The following NRXN1 variants were observed in gnomAD, a reference collection of about 807,000 sequenced individuals.
NRXN1 encodes neurexin-1.
NRXN1 carries 39 observed loss-of-function variants against 150.9 expected under a neutral mutation model. The ratio of observed to expected loss-of-function variants is 0.26; its 90% CI spans 0.20 to 0.34. NRXN1 has a LOEUF of 0.34. NRXN1 is among the 10% of genes least tolerant of loss of function. NRXN1 has a pLI of 1.00. For missense variants in NRXN1, 1,815 were observed against 1,949.9 expected (o/e 0.93, Z 1.30); for synonymous variants, 924 against 757.0 (o/e 1.22, Z -3.62).
intron 2 of NRXN1, among the ~76,000 whole-genome samples, chr2:50,944,827 T>C (rs1285490627): frequency 6.6e-6 from 1 of 152,208 alleles, no homozygotes; most frequent in East Asian, 1.9e-4. Context: ...GCTTGAAGGA[T>C]GCAGACTCAA....
chr2:50,962,597 G>C (rs1282192550), intron 2 of NRXN1, among the ~76,000 whole-genome samples: 1 of 151,560 alleles, frequency 6.6e-6, no homozygotes, highest in Non-Finnish European at 1.5e-5. Context: ...CAGTCTACAA[G>C]CTTATGGGAT....
chr2:50,608,315 A>C (rs1677467183), intron 8 of NRXN1, among the ~76,000 whole-genome samples: 1 of 152,142 alleles, frequency 6.6e-6, no homozygotes, highest in South Asian at 2.1e-4. Context: ...AAACTTTAAT[A>C]TGTATATTAA....
At chr2:50,168,065 G>C (rs2059794459) in intron 18 of NRXN1, among the ~76,000 whole-genome samples, 1 of 151,752 alleles carries the variant, frequency 6.6e-6, no homozygotes, top group Admixed American at 6.6e-5. Flanking sequence ...TTGCAATGCA[G>C]CAATATCTTG....
At chr2:50,949,810 T>C (rs965456805) in intron 2 of NRXN1, among the ~76,000 whole-genome samples, 6 of 152,136 alleles carry the variant, frequency 3.9e-5, no homozygotes, top group African/African-American at 1.4e-4. Flanking sequence ...ACCTTTGTAT[T>C]TCATGGGTTA....
At chr2:50,824,301 A>AGTGTGTGT (rs10651842) in intron 5 of NRXN1, among the ~76,000 whole-genome samples, 111 of 149,196 alleles carry the variant, frequency 7.4e-4, no homozygotes, top group African/African-American at 2.5e-3. Flanking sequence ...AAACCCTTTG[A>AGTGTGTGT]GTGTGTGTGT....
intron 5 of NRXN1, among the ~76,000 whole-genome samples, chr2:50,689,006 C>T (rs897907866): frequency 3.3e-5 from 5 of 152,130 alleles, no homozygotes; most frequent in Non-Finnish European, 5.9e-5. Flanking sequence ...ATACATACCC[C>T]TTTACTACTA....
At chr2:50,429,320 G>A (rs1409811864) in intron 17 of NRXN1, among the ~76,000 whole-genome samples, 4 of 151,914 alleles carry the variant, frequency 2.6e-5, no homozygotes, top group African/African-American at 7.3e-5. Context: ...GCAGTGGTGC[G>A]ATCTTGGCTC....
Position 51,004,817 on chromosome 2 carries a change from A to G in NRXN1, c.772+22685T>C, listed in dbSNP as rs191534032. ...ATCTAGAGGAGAATTTTCTTGTGCC[A>G]AGGTTACTGCTAAGTTTGAAATAGA... On this transcript the variant is annotated intron_variant, in intron 2 of 22. Coordinates refer to ENST00000401669, the MANE Select transcript of NRXN1 (RefSeq NM_001330078.2). Among the ~76,000 whole-genome samples, 162 of 152,126 alleles carry G rather than the reference A, an allele frequency of 1.1e-3. 2 individuals are homozygous for G. Among genetic ancestry groups the G allele is most frequent in the African/African-American group, 3.8e-3 (157 of 41,540 alleles).
intron 17 of NRXN1, among the ~76,000 whole-genome samples, chr2:50,374,566 A>G (rs1048076727): frequency 1.3e-5 from 2 of 152,064 alleles, no homozygotes; most frequent in African/African-American, 2.4e-5. Flanking sequence ...TGAAGTTACT[A>G]TTATCAACCA....
intron 17 of NRXN1, among the ~76,000 whole-genome samples, chr2:50,349,815 G>A (rs191732812): frequency 9.1e-4 from 139 of 152,272 alleles, no homozygotes; most frequent in African/African-American, 3.2e-3. Context: ...ACATTCAGTT[G>A]CCTTCCATCT....
intron 21 of NRXN1, among the ~76,000 whole-genome samples, chr2:49,962,252 T>C (rs1676099932): frequency 6.6e-6 from 1 of 152,208 alleles, no homozygotes; most frequent in Non-Finnish European, 1.5e-5. Flanking sequence ...TGAAGCAACA[T>C]GGATTATCTC....
intron 5 of NRXN1, among the ~76,000 whole-genome samples, chr2:50,728,634 G>A (rs1353639819): frequency 1.3e-5 from 2 of 152,070 alleles, no homozygotes; most frequent in Admixed American, 1.3e-4. Context: ...AGAAAGGCTG[G>A]CTATCACCTA....
chr2:50,898,890 T>C (rs1369512440), intron 5 of NRXN1, among the ~76,000 whole-genome samples: 1 of 151,650 alleles, frequency 6.6e-6, no homozygotes, highest in African/African-American at 2.4e-5. Context: ...GAAGTCATAC[T>C]AGATTTTGAA....
chr2:50,398,543 A>G lies in NRXN1; in HGVS notation c.3364+66899T>C, dbSNP rs140935710. On this transcript the variant is annotated intron_variant, in intron 17 of 22. Coordinates refer to ENST00000401669, the MANE Select transcript of NRXN1 (RefSeq NM_001330078.2). The stretch of plus-strand genomic sequence containing the variant: ...GTAGGATACACATGAGACCTCAAAC[A>G]GATGCATCTTTGTGGAAATGTAAAT... Among the ~76,000 whole-genome samples the G allele has an allele frequency of 7.8e-3, 1,186 of 152,276 alleles. 6 individuals are homozygous for G. Among genetic ancestry groups the G allele is most frequent in the Non-Finnish European group, 0.014 (928 of 68,012 alleles).
intron 17 of NRXN1, among the ~76,000 whole-genome samples, chr2:50,408,357 C>T (rs780613030): frequency 6.6e-6 from 1 of 152,198 alleles, no homozygotes; most frequent in Admixed American, 6.5e-5. Context: ...TTAGTTCTCA[C>T]TACAACTCTA....
intron 5 of NRXN1, among the ~76,000 whole-genome samples, chr2:50,740,811 T>A (rs1487682317): frequency 6.6e-6 from 1 of 152,194 alleles, no homozygotes; most frequent in Non-Finnish European, 1.5e-5. Flanking sequence ...TAAAATTTTA[T>A]TTTGGAATCA....
intron 5 of NRXN1, among the ~76,000 whole-genome samples, chr2:50,860,454 C>A (rs951374465): frequency 6.6e-6 from 1 of 151,954 alleles, no homozygotes; most frequent in Non-Finnish European, 1.5e-5. Context: ...GAGGTCCTGA[C>A]ATGTGGAAGG....
At chr2:50,008,956 A>G (rs1285649674) in intron 21 of NRXN1, among the ~76,000 whole-genome samples, 1 of 152,178 alleles carries the variant, frequency 6.6e-6, no homozygotes, top group South Asian at 2.1e-4. Context: ...ATTTCTTCAT[A>G]AAACAATGAC....
chr2:50,070,040 C>CA (rs1328296869), intron 19 of NRXN1, among the ~76,000 whole-genome samples: 4 of 151,776 alleles, frequency 2.6e-5, no homozygotes, highest in Admixed American at 2.6e-4. Context: ...TTAGTAGAGA[C>CA]GGGTTTTCAC....
Sources: allele counts gnomAD v4.1 joint callset (sites outside exome capture counted in the v4.1 genomes callset), GRCh38; gene constraint gnomAD v4.1.1; transcripts MANE v1.5; gene names NCBI Gene and HGNC (gene_info 2026-07-23, HGNC 2026-07-21).